Variants in ANKFY1 observed in about 807,000 individuals in gnomAD.
ANKFY1 encodes ankyrin repeat and FYVE domain containing 1.
Under a neutral mutation model 128.3 loss-of-function variants are expected in ANKFY1, and 47 were observed. The ratio of observed to expected loss-of-function variants is 0.37; its 90% CI spans 0.29 to 0.47. The LOEUF (loss-of-function observed/expected upper bound fraction) is 0.47, where lower values mean the gene tolerates loss of function less well. ANKFY1 is among the 20% of genes least tolerant of loss of function. ANKFY1 has a pLI of 1.00. For missense variants in ANKFY1, 1,222 were observed against 1,510.6 expected (o/e 0.81, Z 3.17); for synonymous variants, 553 against 601.6 (o/e 0.92, Z 1.18).
In ANKFY1 at chr17:4,189,315, C is replaced by T; in HGVS notation, c.1470+67G>A. Reference sequence around the variant, plus strand: ...AAACCACCTATTCCCCTTTTTCCTACATATCCACCACTGCCATTTCTTCCA... The same window carrying T: ...AAACCACCTATTCCCCTTTTTCCTATATATCCACCACTGCCATTTCTTCCA... On this transcript the variant is annotated intron_variant, in intron 11 of 24. Coordinates refer to ENST00000341657, the MANE Select transcript of ANKFY1 (RefSeq NM_001330063.2). 2.9e-6 allele frequency: 4 copies of T among 1,359,524 alleles called. No individual in the cohort carries two copies. In the Admixed American group the frequency reaches 6.6e-5, roughly 22 times the overall value. The allele number at this position is 1,359,524 out of a possible 1,614,324, so 84.2% of individuals were successfully genotyped here. A position where few individuals can be genotyped will look rare whatever the true frequency, so the allele number is the denominator to read the frequency against.
At chr17:4,174,204 A>C (rs924541827) in intron 19 of ANKFY1, 148 bp from the exon 20 acceptor site, 10 of 871,042 alleles carry the variant, frequency 1.1e-5, no homozygotes, top group African/African-American at 3.4e-5. Flanking sequence ...CTTCACACAC[A>C]CTCCTGCTGA....
At chr17:4,183,931 AAG>A in intron 12 of ANKFY1, 21 bp from the exon 13 acceptor site, 1 of 1,581,712 alleles carries the variant, frequency 6.3e-7, no homozygotes, top group Non-Finnish European at 8.7e-7. Flanking sequence ...GAAAAAGTAA[AAG>A]AACACTTGAT....
At chr17:4,260,138 C>T (rs989372174) in intron 1 of ANKFY1, among the ~76,000 whole-genome samples, 7 of 151,996 alleles carry the variant, frequency 4.6e-5, no homozygotes, top group Admixed American at 1.3e-4. Flanking sequence ...TTTAAGATTA[C>T]GGAGAAGTGT....
In ANKFY1 at chr17:4,202,574, G is replaced by A. The variant is rs551409031; in HGVS notation, c.898+3747C>T. On this transcript the variant is annotated intron_variant, in intron 7 of 24. Transcript: ENST00000341657. Reference sequence around the variant, plus strand: ...TAGCCGGGCATGGTGGCGCGCGCCTGTAGTCCCAGCTACACGGGAGGCTGA... The same window carrying A: ...TAGCCGGGCATGGTGGCGCGCGCCTATAGTCCCAGCTACACGGGAGGCTGA... 6.0e-5 allele frequency among the ~76,000 whole-genome samples: 9 copies of A among 149,714 alleles called. No individual in the cohort carries two copies. The East Asian group carries it at 9.8e-4, about 16-fold the overall frequency.
Position 4,242,408 on chromosome 17 carries a change from C to T in ANKFY1, c.51G>A (p.Arg17=). 6.3e-7 allele frequency: 1 copy of T among 1,582,342 alleles called. No homozygotes were observed. The highest frequency in any genetic ancestry group is 8.6e-7 in the Non-Finnish European group (1 of 1,167,256). ...TCTTCTGCAGCTTGACATACTCCTG[C>T]CGCAGAAGCATCAAGTGCTTCTCCA... ...AKLEKHLMLL[R]QEYVKLQKKL... The change falls in exon 2 of 25, where the codon CGG becomes CGA. Residue 17 remains arginine, a synonymous_variant. Transcript: ENST00000341657.
intron 4 of ANKFY1, among the ~76,000 whole-genome samples, chr17:4,214,233 T>G (rs953776450): frequency 6.6e-6 from 1 of 152,228 alleles, no homozygotes; most frequent in African/African-American, 2.4e-5. Context: ...GGGACTCAAA[T>G]ATGTTTCACG....
rs114884685 is a variant in ANKFY1, at chr17:4,172,710, T to G, written c.3015-30A>C. ...TAAAACAAGTTGGAAAAGTTAGGAA[T>G]GTATCTGCCATGGCCATCACACACA... On this transcript the variant is annotated intron_variant, in intron 21 of 24. Transcript: ENST00000341657. 8.3e-4 allele frequency: 1,344 copies of G among 1,612,558 alleles called. 7 individuals are homozygous for G. In the African/African-American group the frequency reaches 0.015, roughly 18 times the overall value.
At chr17:4,224,214 GTTTTTTTTTTTTTT>G (rs33995900) in intron 3 of ANKFY1, among the ~76,000 whole-genome samples, 6 of 66,724 alleles carry the variant, frequency 9.0e-5, no homozygotes, top group African/African-American at 3.0e-4. Context: ...CACCTTTGAA[GTTTTTTTTTTTTTT>G]TTTTTTTTTT....
At chr17:4,224,941 G>GT (rs963635669) in intron 3 of ANKFY1, among the ~76,000 whole-genome samples, 1,448 of 131,950 alleles carry the variant, frequency 0.011, 15 homozygotes, top group African/African-American at 0.03. Context: ...TTGAGTTGTC[G>GT]TTTTTTTTTT....
At chr17:4,194,952 G>T (rs917271287) in intron 10 of ANKFY1, 26 bp downstream of exon 10, 2 of 1,613,612 alleles carry the variant, frequency 1.2e-6, no homozygotes, top group Non-Finnish European at 1.7e-6. Context: ...CCCCAGCGTC[G>T]CCCCTTCGGG....
At chr17:4,242,528 A>G (rs1967298370) in intron 1 of ANKFY1, 80 bp from the exon 2 acceptor site, 1 of 1,278,092 alleles carries the variant, frequency 7.8e-7, no homozygotes, top group Non-Finnish European at 1.1e-6. Context: ...TCCCATAGAC[A>G]GGAAAGCTCC....
chr17:4,203,754 G>A (rs2059973293), intron 7 of ANKFY1, among the ~76,000 whole-genome samples: 1 of 146,790 alleles, frequency 6.8e-6, no homozygotes, highest in Non-Finnish European at 1.5e-5. Flanking sequence ...GGCAGAGGTT[G>A]CAGTGAGCCG....
intron 10 of ANKFY1, among the ~76,000 whole-genome samples, chr17:4,193,013 C>T (rs988653520): frequency 6.6e-6 from 1 of 151,964 alleles, no homozygotes; most frequent in African/African-American, 2.4e-5. Context: ...TTGACAGAAC[C>T]AGCAAGAAAA....
Position 4,197,509 on chromosome 17 carries a change from G to A in ANKFY1, c.967C>T (p.Gln323Ter). 1 of 1,614,132 alleles carries A rather than the reference G, an allele frequency of 6.2e-7. No individual in the cohort carries two copies. The highest frequency in any genetic ancestry group is 8.5e-7 in the Non-Finnish European group (1 of 1,180,030). The change falls in exon 8 of 25, where the codon CAG becomes TAG. Residue 323 changes from glutamine to a stop codon, truncating the protein, a stop_gained. Coordinates refer to ENST00000341657, the MANE Select transcript of ANKFY1 (RefSeq NM_001330063.2). LOFTEE classifies it high-confidence loss of function. ...AFVNAATLGA[Q>*]ETPLHLVALY... Reference sequence around the variant, plus strand: ...GCCACAAGGTGCAGTGGTGTCTCCTGGGCACCCAGTGTAGCAGCGTTGACA... The same window carrying A: ...GCCACAAGGTGCAGTGGTGTCTCCTAGGCACCCAGTGTAGCAGCGTTGACA...
intron 2 of ANKFY1, among the ~76,000 whole-genome samples, chr17:4,240,158 G>A (rs1004419648): frequency 6.9e-5 from 10 of 145,356 alleles, no homozygotes; most frequent in African/African-American, 1.5e-4. Context: ...TCCGCCTATC[G>A]AGTTCAAGCG....
At position 4,166,218 on chromosome 17, in the gene ANKFY1, A is replaced by G. The variant is rs1262366850; in HGVS notation, c.*1561T>C. 1 of 152,256 alleles carries G rather than the reference A, an allele frequency of 6.6e-6. No individual in the cohort carries two copies. Among genetic ancestry groups the G allele is most frequent in the East Asian group, 1.9e-4 (1 of 5,206 alleles). 9.4% of individuals were successfully genotyped at this position (152,256 alleles called of 1,614,324 possible). On this transcript the variant is annotated 3_prime_UTR_variant, in exon 25 of 25. Transcript: ENST00000341657. ...CACACATATTTAGGCAACAGAATGT[A>G]TAAATCTACCGCAATACAGAGGACA... is the stretch of plus-strand genomic sequence containing the variant.
chr17:4,216,764 A>G (rs2060226525), intron 4 of ANKFY1: 2 of 597,782 alleles, frequency 3.3e-6, no homozygotes, highest in African/African-American at 3.7e-5. Context: ...TTCAGGTAAC[A>G]GACCAGTGAA....
chr17:4,234,408 T>C (rs1270825332), intron 3 of ANKFY1, among the ~76,000 whole-genome samples: 1 of 152,182 alleles, frequency 6.6e-6, no homozygotes, highest in Non-Finnish European at 1.5e-5. Context: ...AAAATGACTG[T>C]TTTCAAGTCT....
intron 1 of ANKFY1, among the ~76,000 whole-genome samples, chr17:4,255,338 C>T (rs1968061575): frequency 6.6e-6 from 1 of 151,166 alleles, no homozygotes; most frequent in Non-Finnish European, 1.5e-5. Context: ...CCTCTGCCTC[C>T]CGGGTTCAAG....
Sources: allele counts gnomAD v4.1 joint callset (sites outside exome capture counted in the v4.1 genomes callset), GRCh38; gene constraint gnomAD v4.1.1; transcripts MANE v1.5; gene names NCBI Gene and HGNC (gene_info 2026-07-23, HGNC 2026-07-21).